The following LRRN2 variants were observed in gnomAD, a reference collection of about 807,000 sequenced individuals.
LRRN2 encodes leucine rich repeat neuronal 2.
LRRN2 carries 10 observed loss-of-function variants against 35.7 expected under a neutral mutation model. The observed-to-expected ratio is 0.28, with a 90% CI of 0.17 to 0.47. The LOEUF (loss-of-function observed/expected upper bound fraction) is 0.47, where lower values mean the gene tolerates loss of function less well. LRRN2 is among the 20% of genes least tolerant of loss of function. LRRN2 has a pLI of 0.99. For missense variants in LRRN2, 731 were observed against 940.3 expected, an observed-to-expected ratio of 0.78 and a Z score of 2.91; for synonymous variants, 391 against 409.6, an observed-to-expected ratio of 0.95 and a Z score of 0.55.
intron 1 of LRRN2, among the ~76,000 whole-genome samples, chr1:204,629,906 A>G (rs1340778133): frequency 6.6e-6 from 1 of 152,166 alleles, no homozygotes; most frequent in East Asian, 1.9e-4. Context: ...TTAAGTATTG[A>G]GCACACATGG....
intron 1 of LRRN2, among the ~76,000 whole-genome samples, chr1:204,685,038 T>C (rs1283558498): frequency 6.6e-6 from 1 of 152,094 alleles, no homozygotes; most frequent in Non-Finnish European, 1.5e-5. Context: ...TGGCCGCTTC[T>C]GGGCATTCTC....
chr1:204,630,985 G>C (rs73065578), intron 1 of LRRN2, among the ~76,000 whole-genome samples: 4,079 of 151,876 alleles, frequency 0.027, 200 homozygotes, highest in African/African-American at 0.093. Context: ...AGTTGGGCTA[G>C]AGCAGCGGTT....
At chr1:204,676,462 G>A (rs1343880289) in intron 1 of LRRN2, among the ~76,000 whole-genome samples, 1 of 152,026 alleles carries the variant, frequency 6.6e-6, no homozygotes, top group African/African-American at 2.4e-5. Flanking sequence ...TTGACCCTGG[G>A]GGAGATGATG....
intron 1 of LRRN2, among the ~76,000 whole-genome samples, chr1:204,667,427 T>C (rs1481766736): frequency 6.6e-6 from 1 of 152,162 alleles, no homozygotes; most frequent in Non-Finnish European, 1.5e-5. Context: ...ATACATCATA[T>C]GGTTATTCTG....
At chr1:204,652,854 G>T (rs1309062603) in intron 1 of LRRN2, among the ~76,000 whole-genome samples, 1 of 152,236 alleles carries the variant, frequency 6.6e-6, no homozygotes, top group East Asian at 1.9e-4. Context: ...GCCCAGGGCA[G>T]TCCTGCAACT....
At position 204,619,030 on chromosome 1, in the gene LRRN2, T is replaced by C. The variant is rs774407834; in HGVS notation, c.963A>G (p.Pro321=). 6.2e-7 allele frequency: 1 copy of C among 1,607,872 alleles called. No individual in the cohort carries two copies. Among genetic ancestry groups the C allele is most frequent in the Non-Finnish European group, 8.5e-7 (1 of 1,175,940 alleles). Reference sequence around the variant, plus strand: ...CGCGGGGGTGGATGAAGGACAGCCGTGGGTTATTGGTGATGTCCAGCTTGG... The same window carrying C: ...CGCGGGGGTGGATGAAGGACAGCCGCGGGTTATTGGTGATGTCCAGCTTGG... ...ELTKLDITNN[P]RLSFIHPRAF... Residue 321 remains proline (P), a synonymous_variant, in exon 2 of 2, where the codon CCA becomes CCG. Transcript: ENST00000367177.
chr1:204,634,599 A>G (rs1355148380), intron 1 of LRRN2, among the ~76,000 whole-genome samples: 1 of 152,184 alleles, frequency 6.6e-6, no homozygotes, highest in Non-Finnish European at 1.5e-5. Flanking sequence ...TGTGCCACGG[A>G]GACAGATGGA....
intron 1 of LRRN2, among the ~76,000 whole-genome samples, chr1:204,680,462 T>C (rs1284094621): frequency 1.3e-5 from 2 of 152,160 alleles, no homozygotes; most frequent in Non-Finnish European, 2.9e-5. Flanking sequence ...AAACCAAACC[T>C]GGTTAAACTC....
At chr1:204,626,409 C>T (rs986688939) in intron 1 of LRRN2, among the ~76,000 whole-genome samples, 1 of 152,124 alleles carries the variant, frequency 6.6e-6, no homozygotes, top group African/African-American at 2.4e-5. Flanking sequence ...TTCCCAGACA[C>T]ACCACACCCT....
intron 1 of LRRN2, among the ~76,000 whole-genome samples, chr1:204,646,429 T>C (rs1668109324): frequency 6.6e-6 from 1 of 152,180 alleles, no homozygotes; most frequent in Non-Finnish European, 1.5e-5. Context: ...AGTAGGCACC[T>C]GGGTTACTAC....
At chr1:204,669,890 C>T (rs1668669703) in intron 1 of LRRN2, among the ~76,000 whole-genome samples, 1 of 152,146 alleles carries the variant, frequency 6.6e-6, no homozygotes, top group Non-Finnish European at 1.5e-5. Flanking sequence ...GTTGAGAGTA[C>T]AACATAATGT....
intron 1 of LRRN2, chr1:204,620,932 A>C (rs1447683523): frequency 6.0e-6 from 1 of 166,968 alleles, no homozygotes; most frequent in African/African-American, 2.4e-5. Flanking sequence ...CTGGCAGTGT[A>C]GGTGGGAGGT....
chr1:204,622,050 A>C (rs1287170899), intron 1 of LRRN2: 3 of 167,154 alleles, frequency 1.8e-5, no homozygotes, highest in Non-Finnish European at 4.4e-5. Context: ...ATAGCTGGTG[A>C]GCAGCAAGAT....
chr1:204,626,336 G>A (rs138975951), intron 1 of LRRN2, among the ~76,000 whole-genome samples: 4 of 151,882 alleles, frequency 2.6e-5, no homozygotes, highest in East Asian at 3.9e-4. Context: ...TGTCCTGTAC[G>A]GTGGCCTCTT....
intron 1 of LRRN2, among the ~76,000 whole-genome samples, chr1:204,676,139 CGT>C (rs56189865): frequency 0.61 from 89,990 of 148,684 alleles, 28,073 homozygotes; most frequent in Non-Finnish European, 0.71. Context: ...TACATGGAGC[CGT>C]GTGTGTGTGT....
chr1:204,646,290 G>T (rs2102605328), intron 1 of LRRN2, among the ~76,000 whole-genome samples: 1 of 152,218 alleles, frequency 6.6e-6, no homozygotes, highest in East Asian at 1.9e-4. Flanking sequence ...ACAAAACTTG[G>T]GATTTATTTC....
chr1:204,656,327 A>G (rs6676478), intron 1 of LRRN2, among the ~76,000 whole-genome samples: 62,000 of 152,122 alleles, frequency 0.41, 13,897 homozygotes, highest in Admixed American at 0.51. Flanking sequence ...TCGAAAAATT[A>G]GAAGGTATAG....
At chr1:204,656,587 C>T (rs1011965362) in intron 1 of LRRN2, among the ~76,000 whole-genome samples, 4 of 152,242 alleles carry the variant, frequency 2.6e-5, no homozygotes, top group Non-Finnish European at 5.9e-5. Flanking sequence ...AATTTTGGCA[C>T]GAACATTTTT....
At chr1:204,673,251 A>G (rs988964194) in intron 1 of LRRN2, among the ~76,000 whole-genome samples, 1 of 152,212 alleles carries the variant, frequency 6.6e-6, no homozygotes, top group African/African-American at 2.4e-5. Flanking sequence ...TACCCTACCA[A>G]GTCTATCAGA....
Sources: gnomAD v4.1 joint callset for allele counts (sites outside exome capture counted in the v4.1 genomes callset) on GRCh38, gnomAD v4.1.1 for gene constraint, MANE v1.5 for transcripts, NCBI Gene and HGNC (gene_info 2026-07-23, HGNC 2026-07-21) for gene names.